The following SEMA6C variants were observed in gnomAD, a reference collection of about 807,000 sequenced individuals.
SEMA6C encodes semaphorin 6C.
SEMA6C carries 37 observed loss-of-function variants against 72.9 expected under a neutral mutation model. The ratio of observed to expected loss-of-function variants is 0.51; its 90% CI spans 0.39 to 0.67. The LOEUF (loss-of-function observed/expected upper bound fraction) is 0.67. Among genes scored for constraint, SEMA6C ranks in the 30% least tolerant of loss-of-function variants. The pLI is 0.00. For synonymous variants in SEMA6C, 578 were observed against 554.1 expected, an observed-to-expected ratio of 1.04 and a Z score of -0.61; for missense variants, 1,189 against 1,263.6, an observed-to-expected ratio of 0.94 and a Z score of 0.89.
rs751963911 is a variant in SEMA6C, at chr1:151,145,998, C to G, written c.-105+435G>C. 6.6e-6 allele frequency: 1 copy of G among 151,944 alleles called. No homozygotes were observed. The highest frequency in any genetic ancestry group is 1.5e-5 in the Non-Finnish European group (1 of 68,026). 9.4% of individuals were successfully genotyped at this position (151,944 alleles called of 1,614,324 possible). ...GCTTGCACAAGGACAGAGGAGCACC[C>G]GTGACACAAAGTCCGGAACGATGCG... On this transcript the variant is annotated intron_variant, in intron 1 of 18. Transcript: ENST00000368914. The surrounding 1 kb of genome is among the most constrained non-coding windows in gnomAD (Gnocchi z 4.4).
rs748834159 is a variant in SEMA6C, at chr1:151,135,263, G to T, written c.1480C>A (p.Leu494Met). ...TAQTARRIIGLELDTEGHRLF... is the reference protein window; with the variant it reads ...TAQTARRIIGMELDTEGHRLF... ...CTGTGACCCTCAGTGTCCAGCTCCA[G>T]CCCTATGATCCGTCGTGCTGTTTGG... The change falls in exon 15 of 19, where the codon CTG becomes ATG. Residue 494 changes from leucine to methionine, a missense_variant. Around this residue, in one of 2 missense-constraint regions of SEMA6C, gnomAD observed 721 missense variants for 686.2 expected, o/e 1.05. Coordinates refer to ENST00000368914, the MANE Select transcript of SEMA6C (RefSeq NM_030913.6). The T allele has an allele frequency of 4.3e-6, 7 of 1,614,104 alleles. No homozygotes were observed. The African/African-American group carries it at 9.3e-5, about 22-fold the overall frequency.
At position 151,132,693 on chromosome 1, in the gene SEMA6C, CA is replaced by C; in HGVS notation, c.2583del (p.Ala862ProfsTer36). On this transcript the variant is annotated frameshift_variant, in exon 19 of 19. Coordinates refer to ENST00000368914, the MANE Select transcript of SEMA6C (RefSeq NM_030913.6). LOFTEE classifies it low-confidence loss of function (END_TRUNC). ...CCCGAGGGGACTCGAGTGAGCAGGG[CA>C]GGGGGGGCCCGGTGGCCGGAGAAAG... The part of the protein sequence containing the change: ...RLPFSGHRAP[P>X]ALLTRVPSGG... 2.7e-6 allele frequency: 4 copies of C among 1,503,514 alleles called. No individual in the cohort carries two copies. Among genetic ancestry groups the C allele is most frequent in the East Asian group, 2.5e-5 (1 of 39,974 alleles). 93.1% of individuals were successfully genotyped at this position (1,503,514 alleles called of 1,614,324 possible).
At chr1:151,135,007 C>T in intron 15 of SEMA6C, 132 bp from the exon 16 acceptor site, 2 of 1,342,132 alleles carry the variant, frequency 1.5e-6, no homozygotes, top group Non-Finnish European at 2.1e-6. Context: ...AGTCTCTCCA[C>T]ACCCTGGTTG....
intron 3 of SEMA6C, among the ~76,000 whole-genome samples, chr1:151,141,553 G>A (rs762319239): frequency 1.1e-4 from 17 of 151,958 alleles, no homozygotes; most frequent in Non-Finnish European, 2.4e-4. Context: ...GGGGTTACAG[G>A]CACACGCCAC....
intron 2 of SEMA6C, among the ~76,000 whole-genome samples, chr1:151,143,027 A>G (rs1189402206): frequency 6.6e-6 from 1 of 152,180 alleles, no homozygotes; most frequent in Non-Finnish European, 1.5e-5. Context: ...AGCTATAATT[A>G]GAGACTGAAG....
Position 151,138,610 on chromosome 1 carries a change from C to G in SEMA6C, c.456+20G>C. 2.5e-6 allele frequency: 4 copies of G among 1,608,798 alleles called. No individual in the cohort carries two copies. Among genetic ancestry groups the G allele is most frequent in the Non-Finnish European group, 3.4e-6 (4 of 1,175,108 alleles). ...GGGTCCCCCCAACTCCCATCCTAAC[C>G]CCCACCCTCTCTTTTGTACCCCATA... On this transcript the variant is annotated intron_variant, in intron 7 of 18. Transcript: ENST00000368914.
chr1:151,146,066 C>T lies in SEMA6C; in HGVS notation c.-105+367G>A, dbSNP rs1682911059. The T allele has an allele frequency of 6.6e-6, 1 of 152,228 alleles. No homozygotes were observed. Among genetic ancestry groups the T allele is most frequent in the Non-Finnish European group, 1.5e-5 (1 of 68,066 alleles). 9.4% of individuals were successfully genotyped at this position (152,228 alleles called of 1,614,324 possible). The stretch of plus-strand genomic sequence containing the variant: ...TCAGGGGCGTCAGGAGGGTCTAGTT[C>T]TCCGTGGGTCTCGGAGCCCTAGTTT... On this transcript the variant is annotated intron_variant, in intron 1 of 18. Transcript: ENST00000368914. This position sits in a 1 kb window ranked among gnomAD's most constrained non-coding sequence, Gnocchi z 4.6.
Position 151,132,886 on chromosome 1 carries a change from C to T in SEMA6C, c.2391G>A (p.Pro797=), listed in dbSNP as rs778046921. ...PAPLTSRALP[P]EPAPALLGGP... Reference sequence around the variant, plus strand: ...CGCCCAAGAGGGCGGGGGCGGGCTCCGGCGGGAGCGCCCGCGAGGTTAAAG... The same window carrying T: ...CGCCCAAGAGGGCGGGGGCGGGCTCTGGCGGGAGCGCCCGCGAGGTTAAAG... The change falls in exon 19 of 19, where the codon CCG becomes CCA. Residue 797 remains proline, a synonymous_variant. Coordinates refer to ENST00000368914, the MANE Select transcript of SEMA6C (RefSeq NM_030913.6). 1.5e-6 allele frequency: 2 copies of T among 1,305,518 alleles called. No homozygotes were observed. Among genetic ancestry groups the T allele is most frequent in the South Asian group, 3.4e-5 (2 of 59,598 alleles). 80.9% of individuals were successfully genotyped at this position (1,305,518 alleles called of 1,614,324 possible).
Position 151,138,749 on chromosome 1 carries a change from C to A in SEMA6C, c.355-18G>T. The A allele has an allele frequency of 6.3e-7, 1 of 1,591,988 alleles. No individual in the cohort carries two copies. Among genetic ancestry groups the A allele is most frequent in the Non-Finnish European group, 8.6e-7 (1 of 1,159,952 alleles). On this transcript the variant is annotated intron_variant, in intron 6 of 18. Coordinates refer to ENST00000368914, the MANE Select transcript of SEMA6C (RefSeq NM_030913.6). ...CACTCATCCTAGAGAACCCAAAATTCTAGGTCAGTGACAGAGGGTCCTGGG... is the reference window on the plus strand; with the variant it reads ...CACTCATCCTAGAGAACCCAAAATTATAGGTCAGTGACAGAGGGTCCTGGG...
rs772829814 is a variant in SEMA6C at position 151,134,894 on chromosome 1, T to G, written c.1581-19A>C. On this transcript the variant is annotated intron_variant, in intron 15 of 18. Transcript: ENST00000368914. ...ACAGCTCCTAGGGAAAACGGAGGTGTGTGAGGCTGGATCCCTTTCTACTCC... is the reference window on the plus strand; with the variant it reads ...ACAGCTCCTAGGGAAAACGGAGGTGGGTGAGGCTGGATCCCTTTCTACTCC... 7 of 1,607,898 alleles carry G rather than the reference T, an allele frequency of 4.4e-6. No individual in the cohort carries two copies. The highest frequency in any genetic ancestry group is 1.7e-4 in the Middle Eastern group (1 of 6,000).
At chr1:151,136,639 G>C in intron 11 of SEMA6C, 60 bp from the exon 12 acceptor site, 1 of 1,600,074 alleles carries the variant, frequency 6.2e-7, no homozygotes, top group Non-Finnish European at 8.5e-7. Context: ...ACTTCCCCCA[G>C]GAAGAAGTGG....
rs779175832 is a variant in SEMA6C at position 151,142,596 on chromosome 1, G to A, written c.26C>T (p.Pro9Leu). MPRAPHFM[P>L]LLLLLLLLSL... The stretch of plus-strand genomic sequence containing the variant: ...GAGCAGCAGCAGCAGTAGCAGCAAG[G>A]GCATGAAGTGGGGGGCACGGGGCAT... The change falls in exon 3 of 19, where the codon CCC becomes CTC. Residue 9 changes from proline to leucine, a missense_variant. Physicochemically the swap from Pro to Leu is moderately conservative, Grantham distance 98. This residue lies in a region of SEMA6C where 468 missense variants were observed against 577.4 expected (regional missense o/e 0.81). Transcript: ENST00000368914. The A allele has an allele frequency of 6.3e-7, 1 of 1,599,354 alleles. No homozygotes were observed. The highest frequency in any genetic ancestry group is 8.5e-7 in the Non-Finnish European group (1 of 1,172,612).
intron 6 of SEMA6C, among the ~76,000 whole-genome samples, 180 bp from the exon 7 acceptor site, chr1:151,138,911 G>A (rs979878238): frequency 3.9e-5 from 6 of 152,098 alleles, no homozygotes; most frequent in Admixed American, 2.6e-4. Flanking sequence ...TGGGCAACAC[G>A]GTGAAACCCC....
rs1681780840 is a variant in SEMA6C, at chr1:151,133,745, C to T, written c.1760-228G>A. Among the ~76,000 whole-genome samples the T allele has an allele frequency of 6.6e-6, 1 of 151,992 alleles. No individual in the cohort carries two copies. Among genetic ancestry groups the T allele is most frequent in the Non-Finnish European group, 1.5e-5 (1 of 67,972 alleles). ...AGGCCAGAGCTTGGGCCTGGGGATT[C>T]CCCATCCCACTTCTGGCCCCTGTAG... On this transcript the variant is annotated intron_variant, in intron 18 of 18. Coordinates refer to ENST00000368914, the MANE Select transcript of SEMA6C (RefSeq NM_030913.6). This position sits in a 1 kb window ranked among gnomAD's most constrained non-coding sequence, Gnocchi z 5.9.
intron 18 of SEMA6C, chr1:151,134,175 C>G: frequency 1.2e-6 from 1 of 806,310 alleles, no homozygotes; most frequent in Non-Finnish European, 2.0e-6. Flanking sequence ...CCTCTAGTTT[C>G]TTCTGGGCCT....
At position 151,145,762 on chromosome 1, in the gene SEMA6C, G is replaced by A. The variant is rs932434967; in HGVS notation, c.-105+671C>T. 1 of 152,588 alleles carries A rather than the reference G, an allele frequency of 6.6e-6. No homozygotes were observed. The highest frequency in any genetic ancestry group is 2.4e-5 in the African/African-American group (1 of 41,462). 9.5% of individuals were successfully genotyped at this position (152,588 alleles called of 1,614,324 possible). On this transcript the variant is annotated intron_variant, in intron 1 of 18. Coordinates refer to ENST00000368914, the MANE Select transcript of SEMA6C (RefSeq NM_030913.6). This position sits in a 1 kb window ranked among gnomAD's most constrained non-coding sequence, Gnocchi z 4.4. The stretch of plus-strand genomic sequence containing the variant: ...ACAGGGCCAGAGGCTGAGAACCGAC[G>A]AGGGCGGGCCTGAGGCCGGCGCTCA...
rs1404994112 is a variant in SEMA6C at position 151,133,391 on chromosome 1, C to A, written c.1886G>T (p.Cys629Phe). ...SVSGLLVSCA[C>F]RRAHRRRGKD... ...GCCCCGACGTCGGTGGGCGCGGCGA[C>A]AAGCACAGGAGACCAGGAGGCCAGA... is the stretch of plus-strand genomic sequence containing the variant. The change falls in exon 19 of 19, where the codon TGT (cysteine) becomes TTT (phenylalanine). Residue 629 changes from cysteine to phenylalanine, a missense_variant. Physicochemically the swap from Cys to Phe is radical, Grantham distance 205. Transcript: ENST00000368914. The surrounding 1 kb of genome is among the most constrained non-coding windows in gnomAD (Gnocchi z 5.9). 6.3e-7 allele frequency: 1 copy of A among 1,599,048 alleles called. No homozygotes were observed. The highest frequency in any genetic ancestry group is 1.1e-5 in the South Asian group (1 of 89,858).
At chr1:151,137,869 A>G (rs1273031194) in intron 9 of SEMA6C, 70 bp from the exon 10 acceptor site, 1 of 1,579,882 alleles carries the variant, frequency 6.3e-7, no homozygotes, top group Non-Finnish European at 8.6e-7. Flanking sequence ...CTGGCCCCAC[A>G]CCGCTCTCCC....
In SEMA6C at chr1:151,138,730, T is replaced by C; in HGVS notation, c.356A>G (p.Asp119Gly). The C allele has an allele frequency of 6.2e-7, 1 of 1,613,320 alleles. No individual in the cohort carries two copies. The stretch of plus-strand genomic sequence containing the variant: ...AACACGAATATAGTTGTAGCACTCA[T>C]CCTAGAGAACCCAAAATTCTAGGTC... The part of the protein sequence containing the change: ...ENCAVRGKLT[D>G]ECYNYIRVLV... Residue 119 changes from aspartate (D) to glycine (G), a missense_variant and splice_region_variant, in exon 7 of 19, where the codon GAT (aspartate) becomes GGT (glycine). This residue lies in a region of SEMA6C where 468 missense variants were observed against 577.4 expected (regional missense o/e 0.81). Coordinates refer to ENST00000368914, the MANE Select transcript of SEMA6C (RefSeq NM_030913.6).
Sources: allele counts gnomAD v4.1 joint callset (sites outside exome capture counted in the v4.1 genomes callset), GRCh38; gene constraint gnomAD v4.1.1; regional missense constraint gnomAD v4.1.1; non-coding constraint Gnocchi (gnomAD v3.1); transcripts MANE v1.5; gene names NCBI Gene and HGNC (gene_info 2026-07-23, HGNC 2026-07-21).